Variants in MECOM observed in about 807,000 individuals in gnomAD.
The protein encoded by MECOM is MDS1 and EVI1 complex locus.
MECOM carries 13 observed loss-of-function variants against 116.3 expected under a neutral mutation model. The observed-to-expected ratio is 0.11, with a 90% CI of 0.07 to 0.18. MECOM has a LOEUF of 0.18. Ranked by LOEUF, MECOM falls within the 10% of genes least tolerant of loss-of-function variation. MECOM has a pLI of 1.00. For missense variants in MECOM, 1,299 were observed against 1,509.0 expected, an observed-to-expected ratio of 0.86 and a Z score of 2.31; for synonymous variants, 528 against 535.2, an observed-to-expected ratio of 0.99 and a Z score of 0.19.
chr3:169,092,004 GA>G (rs1264626311), intron 14 of MECOM, among the ~76,000 whole-genome samples: 1 of 151,998 alleles, frequency 6.6e-6, no homozygotes, highest in African/African-American at 2.4e-5. Flanking sequence ...GTCGTGTTCA[GA>G]AAAGTCTACT....
At chr3:169,156,013 T>C (rs1741914630) in intron 2 of MECOM, among the ~76,000 whole-genome samples, 2 of 152,220 alleles carry the variant, frequency 1.3e-5, no homozygotes, top group Non-Finnish European at 2.9e-5. Flanking sequence ...GGGATATTTC[T>C]GTGATCAGCC....
At position 169,545,290 on chromosome 3, in the gene MECOM, C is replaced by T. The variant is rs115721905; in HGVS notation, c.37+118046G>A. ...CTGCTACATGGCTTAGATTAGGGCT[C>T]TGTCTACATACACAAACTGAGCTGA... On this transcript the variant is annotated intron_variant, in intron 1 of 16. Coordinates refer to ENST00000651503, the MANE Select transcript of MECOM (RefSeq NM_004991.4). 7.7e-3 allele frequency among the ~76,000 whole-genome samples: 1,169 copies of T among 152,240 alleles called. 21 individuals are homozygous for T. Among genetic ancestry groups the T allele is most frequent in the African/African-American group, 0.027 (1,118 of 41,524 alleles).
intron 2 of MECOM, among the ~76,000 whole-genome samples, chr3:169,375,444 AAGAAG>A (rs1730855980): frequency 6.6e-6 from 1 of 152,132 alleles, no homozygotes; most frequent in Non-Finnish European, 1.5e-5. Flanking sequence ...CAGACTAACC[AAGAAG>A]AGAAGAGAGA....
At chr3:169,581,352 CA>C (rs928494880) in intron 1 of MECOM, among the ~76,000 whole-genome samples, 1 of 151,488 alleles carries the variant, frequency 6.6e-6, no homozygotes, top group Non-Finnish European at 1.5e-5. Context: ...TCCCAGGTGG[CA>C]AAAAAAAGCA....
At chr3:169,483,966 C>T in intron 1 of MECOM, 2 of 1,584,626 alleles carry the variant, frequency 1.3e-6, no homozygotes, top group Non-Finnish European at 1.7e-6. Flanking sequence ...CATGATTCTA[C>T]AGGGTGGGTG....
At position 169,095,124 on chromosome 3, in the gene MECOM, T is replaced by C; in HGVS notation, c.2971A>G (p.Thr991Ala). 6.2e-7 allele frequency: 1 copy of C among 1,613,130 alleles called. No homozygotes were observed. The highest frequency in any genetic ancestry group is 8.5e-7 in the Non-Finnish European group (1 of 1,179,608). ...TTCTTTAGGTGTCTGTCTAAATTGGTTTGTTGACCAAAACACCTATCACAT... is the reference window on the plus strand; with the variant it reads ...TTCTTTAGGTGTCTGTCTAAATTGGCTTGTTGACCAAAACACCTATCACAT... Reference protein sequence around the residue: ...HLCDRCFGQQTNLDRHLKKHE... With the variant: ...HLCDRCFGQQANLDRHLKKHE... Residue 991 changes from threonine (T) to alanine (A), a missense_variant, in exon 13 of 17, where the codon ACC (threonine) becomes GCC (alanine). Coordinates refer to ENST00000651503, the MANE Select transcript of MECOM (RefSeq NM_004991.4).
Position 169,286,233 on chromosome 3 carries a change from T to C in MECOM, c.375+94954A>G, listed in dbSNP as rs1577590883. ...AACGTATTTCTTGAACTAAGTTCTC[T>C]CAGGTTAAATGAGAGAGGGACCCAG... On this transcript the variant is annotated intron_variant, in intron 2 of 16. Coordinates refer to ENST00000651503, the MANE Select transcript of MECOM (RefSeq NM_004991.4). Among the ~76,000 whole-genome samples, 4 of 152,272 alleles carry C rather than the reference T, an allele frequency of 2.6e-5. 1 individual carries two copies. The South Asian group carries it at 8.3e-4, about 32-fold the overall frequency.
intron 2 of MECOM, among the ~76,000 whole-genome samples, chr3:169,162,772 C>A (rs1743033494): frequency 6.6e-6 from 1 of 152,090 alleles, no homozygotes; most frequent in African/African-American, 2.4e-5. Context: ...ATATACCAGA[C>A]AGTTTCATAC....
At chr3:169,100,101 C>CTTTTTTTTTTTTTT (rs869032341) in intron 12 of MECOM, among the ~76,000 whole-genome samples, 5 of 50,632 alleles carry the variant, frequency 9.9e-5, no homozygotes, top group African/African-American at 1.5e-4. Context: ...TTCTTTCTTT[C>CTTTTTTTTTTTTTT]TTTTTTTTTT....
intron 1 of MECOM, among the ~76,000 whole-genome samples, chr3:169,549,815 C>T (rs1277497888): frequency 6.6e-6 from 1 of 152,192 alleles, no homozygotes; most frequent in Non-Finnish European, 1.5e-5. Context: ...CCCTCATAGG[C>T]TTATGAGTGA....
chr3:169,232,377 A>C (rs889258009), intron 2 of MECOM, among the ~76,000 whole-genome samples: 1 of 152,092 alleles, frequency 6.6e-6, no homozygotes, highest in Admixed American at 6.6e-5. Context: ...TGATATAAGC[A>C]AACCACAAAA....
chr3:169,652,128 T>A (rs1343835082), intron 1 of MECOM, among the ~76,000 whole-genome samples: 1 of 152,106 alleles, frequency 6.6e-6, no homozygotes, highest in African/African-American at 2.4e-5. Context: ...CATTTAGAAA[T>A]TTAGAAATCC....
At chr3:169,487,931 A>G (rs1038738638) in intron 1 of MECOM, among the ~76,000 whole-genome samples, 1 of 152,208 alleles carries the variant, frequency 6.6e-6, no homozygotes, top group Non-Finnish European at 1.5e-5. Context: ...CCTAATTATT[A>G]CAAAATGACA....
chr3:169,243,544 A>T (rs1028985546), intron 2 of MECOM, among the ~76,000 whole-genome samples: 1 of 146,840 alleles, frequency 6.8e-6, no homozygotes. Flanking sequence ...CAATATTGTT[A>T]AAAAAAATTC....
At chr3:169,476,837 T>C in intron 1 of MECOM, 1 of 151,626 alleles carries the variant, frequency 6.6e-6, no homozygotes, top group Non-Finnish European at 1.5e-5. Flanking sequence ...ATGCTATTTT[T>C]TGTTGATGCT....
chr3:169,420,648 G>A (rs774549347), intron 1 of MECOM, among the ~76,000 whole-genome samples: 2 of 152,008 alleles, frequency 1.3e-5, no homozygotes, highest in Non-Finnish European at 2.9e-5. Flanking sequence ...CACTCCTCTG[G>A]TTCAACTATG....
chr3:169,331,652 A>G (rs901658381), intron 2 of MECOM, among the ~76,000 whole-genome samples: 2 of 152,198 alleles, frequency 1.3e-5, no homozygotes, highest in African/African-American at 4.8e-5. Context: ...CCCACTGAAG[A>G]TTGATCTCAA....
intron 3 of MECOM, among the ~76,000 whole-genome samples, chr3:169,132,763 T>A (rs79612032): frequency 0.087 from 13,191 of 150,960 alleles, 1,061 homozygotes; most frequent in East Asian, 0.35. Flanking sequence ...TTCTTTTTTT[T>A]TTTTTTTGAG....
At chr3:169,448,835 T>G (rs376599567) in intron 1 of MECOM, among the ~76,000 whole-genome samples, 15 of 152,308 alleles carry the variant, frequency 9.8e-5, no homozygotes, top group African/African-American at 3.4e-4. Context: ...ATTTAATTCT[T>G]AAGTACCATT....
Sources: gnomAD v4.1 joint callset for allele counts (sites outside exome capture counted in the v4.1 genomes callset) on GRCh38, gnomAD v4.1.1 for gene constraint, MANE v1.5 for transcripts, NCBI Gene and HGNC (gene_info 2026-07-23, HGNC 2026-07-21) for gene names.